The following RBFOX1 variants were observed in gnomAD, a reference collection of about 807,000 sequenced individuals.
RBFOX1 encodes the protein RNA binding protein fox-1 homolog 1.
A neutral mutation model predicts 57.7 loss-of-function variants in RBFOX1; 8 were observed. The ratio of observed to expected loss-of-function variants is 0.14; its 90% CI spans 0.08 to 0.25. The LOEUF is 0.25. Among genes scored for constraint, RBFOX1 ranks in the 10% least tolerant of loss-of-function variants. RBFOX1 has a pLI of 1.00. For synonymous variants in RBFOX1, 326 were observed against 222.4 expected (o/e 1.47, Z -4.15); for missense variants, 611 against 548.5 (o/e 1.11, Z -1.14).
chr16:6,991,354 G>A (rs1304188005), intron 3 of RBFOX1, among the ~76,000 whole-genome samples: 3 of 152,120 alleles, frequency 2.0e-5, no homozygotes, highest in Non-Finnish European at 4.4e-5. Flanking sequence ...ACATCTGTAT[G>A]TACAGGCCCT....
At chr16:6,426,590 C>T (rs1213127966) in intron 2 of RBFOX1, among the ~76,000 whole-genome samples, 1 of 152,054 alleles carries the variant, frequency 6.6e-6, no homozygotes, top group African/African-American at 2.4e-5. Flanking sequence ...ATGATTGTCC[C>T]AGTGCACTCC....
At position 6,019,966 on chromosome 16, in the gene RBFOX1, C is replaced by T; in HGVS notation, c.-153C>T. Reference sequence around the variant, plus strand: ...GGGGGTCTGGGGCCGAGAACGTGACCGCAGCCGGGCTCGCCGGGAGTTCTA... The same window carrying T: ...GGGGGTCTGGGGCCGAGAACGTGACTGCAGCCGGGCTCGCCGGGAGTTCTA... On this transcript the variant is annotated 5_prime_UTR_variant, in exon 1 of 16. Coordinates refer to ENST00000550418, the MANE Select transcript of RBFOX1 (RefSeq NM_018723.4). This position sits in a 1 kb window ranked among gnomAD's most constrained non-coding sequence, Gnocchi z 4.2. The T allele has an allele frequency of 3.9e-6, 6 of 1,531,164 alleles. No homozygotes were observed. The highest frequency in any genetic ancestry group is 5.2e-6 in the Non-Finnish European group (6 of 1,143,732). The allele number at this position is 1,531,164 out of a possible 1,614,324, so 94.8% of individuals were successfully genotyped here.
At chr16:6,940,763 AGTGTGT>A (rs61349150) in intron 3 of RBFOX1, among the ~76,000 whole-genome samples, 4,262 of 114,334 alleles carry the variant, frequency 0.037, 118 homozygotes, top group African/African-American at 0.077. Context: ...ATGTCCCGCT[AGTGTGT>A]GTGTGTGTGT....
intron 1 of RBFOX1, among the ~76,000 whole-genome samples, chr16:6,078,242 A>G (rs1248812953): frequency 6.6e-6 from 1 of 152,262 alleles, no homozygotes; most frequent in East Asian, 1.9e-4. Context: ...TGCTATTAAT[A>G]TTATTACACA....
intron 1 of RBFOX1, among the ~76,000 whole-genome samples, chr16:6,180,559 T>C (rs181777321): frequency 1.6e-4 from 25 of 152,086 alleles, no homozygotes; most frequent in Middle Eastern, 3.4e-3. Flanking sequence ...TTTGTTGTTA[T>C]TGTCATTCTT....
chr16:6,426,085 C>CCTCTCT (rs145432245), intron 2 of RBFOX1, among the ~76,000 whole-genome samples: 21 of 141,556 alleles, frequency 1.5e-4, no homozygotes, highest in African/African-American at 5.2e-4. Flanking sequence ...TCATTTTCTC[C>CCTCTCT]CTCTCTCTCT....
intron 4 of RBFOX1, among the ~76,000 whole-genome samples, chr16:7,325,336 G>C (rs147523520): frequency 6.6e-6 from 1 of 152,320 alleles, no homozygotes; most frequent in East Asian, 1.9e-4. Context: ...GGAACACACA[G>C]CTGATAACTG....
At chr16:7,088,506 C>T (rs1351155532) in intron 4 of RBFOX1, among the ~76,000 whole-genome samples, 3 of 150,454 alleles carry the variant, frequency 2.0e-5, no homozygotes, top group Non-Finnish European at 3.0e-5. Context: ...TGCACTTATT[C>T]TGGCTTTCTG....
intron 3 of RBFOX1, among the ~76,000 whole-genome samples, chr16:7,035,231 C>G (rs989970012): frequency 1.3e-5 from 2 of 151,972 alleles, no homozygotes; most frequent in Non-Finnish European, 2.9e-5. Context: ...TAAGATCCTG[C>G]AGGATACTCC....
rs555059751 is a variant in RBFOX1 at position 7,312,284 on chromosome 16, G to A, written c.28-205863G>A. Among the ~76,000 whole-genome samples, 3 of 152,324 alleles carry A rather than the reference G, an allele frequency of 2.0e-5. 1 individual carries two copies. The highest frequency in any genetic ancestry group is 2.0e-4 in the Admixed American group (3 of 15,302). On this transcript the variant is annotated intron_variant, in intron 4 of 15. Transcript: ENST00000550418. ...AATCCCAGCTACTTAGGAGGCTGAGGCAGGAGAATCACTTGAACCCAGGAG... is the reference window on the plus strand; with the variant it reads ...AATCCCAGCTACTTAGGAGGCTGAGACAGGAGAATCACTTGAACCCAGGAG...
intron 4 of RBFOX1, among the ~76,000 whole-genome samples, chr16:7,178,622 C>G (rs1218516466): frequency 6.6e-6 from 1 of 152,098 alleles, no homozygotes; most frequent in African/African-American, 2.4e-5. Context: ...TAAGTGAAAT[C>G]TGAAAGGAAA....
At chr16:6,621,559 C>T (rs2098232301) in intron 2 of RBFOX1, among the ~76,000 whole-genome samples, 1 of 152,200 alleles carries the variant, frequency 6.6e-6, no homozygotes, top group African/African-American at 2.4e-5. Flanking sequence ...ATTACATCGG[C>T]AAAGCCCCTT....
chr16:6,660,496 C>T (rs940663153), intron 3 of RBFOX1, among the ~76,000 whole-genome samples: 12 of 152,208 alleles, frequency 7.9e-5, no homozygotes, highest in South Asian at 4.1e-4. Context: ...CATGAGGCCA[C>T]GATTTGAGCT....
chr16:5,585,712 C>T lies in RBFOX1; in HGVS notation c.259-13190C>T, dbSNP rs536937583. Among the ~76,000 whole-genome samples the T allele has an allele frequency of 6.6e-5, 10 of 152,332 alleles. No homozygotes were observed. In the South Asian group the frequency reaches 2.1e-3, roughly 32 times the overall value. On this transcript the variant is annotated intron_variant, in intron 2 of 2. Coordinates refer to the RBFOX1 transcript ENST00000585867. ...CCATCGGCTTCTAGGACCACTGCAGCATTTATGCAGGGTGTAGACCTGGGT... is the reference window on the plus strand; with the variant it reads ...CCATCGGCTTCTAGGACCACTGCAGTATTTATGCAGGGTGTAGACCTGGGT...
At chr16:5,738,068 C>T (rs928308342) in intron 3 of RBFOX1, among the ~76,000 whole-genome samples, 5 of 149,712 alleles carry the variant, frequency 3.3e-5, no homozygotes, top group Non-Finnish European at 7.4e-5. Flanking sequence ...CATGTGTTCT[C>T]ATTGTTCAAC....
intron 4 of RBFOX1, among the ~76,000 whole-genome samples, chr16:7,512,204 C>G (rs1017778735): frequency 6.6e-6 from 1 of 152,212 alleles, no homozygotes; most frequent in Non-Finnish European, 1.5e-5. Context: ...TTGCCTGTCA[C>G]TGTCCCCTAC....
At chr16:6,914,268 G>T (rs1466147325) in intron 3 of RBFOX1, among the ~76,000 whole-genome samples, 1 of 152,132 alleles carries the variant, frequency 6.6e-6, no homozygotes, top group Non-Finnish European at 1.5e-5. Flanking sequence ...GAAAGCAAAA[G>T]AAAATAATCA....
rs183435914 is a variant in RBFOX1 at position 6,681,877 on chromosome 16, T to C, written c.-16+27227T>C. On this transcript the variant is annotated intron_variant, in intron 3 of 15. Coordinates refer to ENST00000550418, the MANE Select transcript of RBFOX1 (RefSeq NM_018723.4). Reference sequence around the variant, plus strand: ...TTTGAGTGTCAATCCAGTAAATCTTTAGTCTCTTCTGCTATTCTCCAGGAA... The same window carrying C: ...TTTGAGTGTCAATCCAGTAAATCTTCAGTCTCTTCTGCTATTCTCCAGGAA... Among the ~76,000 whole-genome samples the C allele has an allele frequency of 1.6e-3, 240 of 152,316 alleles. 1 individual carries two copies. The highest frequency in any genetic ancestry group is 2.6e-3 in the Non-Finnish European group (174 of 68,022).
intron 4 of RBFOX1, among the ~76,000 whole-genome samples, chr16:7,225,982 G>A (rs748388247): frequency 2.0e-4 from 30 of 151,206 alleles, no homozygotes; most frequent in Non-Finnish European, 2.2e-4. Flanking sequence ...TGACCAAATG[G>A]CGATGCTCTA....
Sources: gnomAD v4.1 joint callset for allele counts (sites outside exome capture counted in the v4.1 genomes callset) on GRCh38, gnomAD v4.1.1 for gene constraint, Gnocchi (gnomAD v3.1) non-coding constraint, MANE v1.5 for transcripts, NCBI Gene and HGNC (gene_info 2026-07-23, HGNC 2026-07-21) for gene names.